DSCAML1: variants seen among roughly 807,000 people sequenced by gnomAD.
DSCAML1 encodes the protein DS cell adhesion molecule like 1, also known as cell adhesion molecule DSCAML1.
A neutral mutation model predicts 200.5 loss-of-function variants in DSCAML1; 38 were observed. The ratio of observed to expected loss-of-function variants is 0.19; its 90% CI spans 0.15 to 0.25. The LOEUF (loss-of-function observed/expected upper bound fraction) is 0.25. DSCAML1 is among the 10% of genes least tolerant of loss of function. DSCAML1 has a pLI of 1.00. For synonymous variants in DSCAML1, 1,215 were observed against 1,165.0 expected, an observed-to-expected ratio of 1.04 and a Z score of -0.87; for missense variants, 2,223 against 2,858.8, an observed-to-expected ratio of 0.78 and a Z score of 5.07.
Position 117,498,338 on chromosome 11 carries a change from G to T in DSCAML1, c.2359+5507C>A, listed in dbSNP as rs768808889. On this transcript the variant is annotated intron_variant, in intron 11 of 32. Transcript: ENST00000651296. The surrounding 1 kb of genome is among the most constrained non-coding windows in gnomAD (Gnocchi z 4.0). The stretch of plus-strand genomic sequence containing the variant: ...GCCAACAGCCGTCCCTCAGCTCTAG[G>T]GGTCACGGCGGTGGCAGGGCCCATC... 6.6e-6 allele frequency among the ~76,000 whole-genome samples: 1 copy of T among 152,180 alleles called. No individual in the cohort carries two copies. Among genetic ancestry groups the T allele is most frequent in the Non-Finnish European group, 1.5e-5 (1 of 68,026 alleles).
At chr11:117,551,058 G>GC (rs879389600) in intron 3 of DSCAML1, among the ~76,000 whole-genome samples, 2 of 152,050 alleles carry the variant, frequency 1.3e-5, no homozygotes, top group African/African-American at 2.4e-5. Flanking sequence ...TTCTTTTCCT[G>GC]CCCCCTCTTC....
In DSCAML1 at chr11:117,797,173, ACTCGGCGCCCCG is replaced by A; in HGVS notation, c.-106_-95del. ...GCTCAGCGCGCTCCCAGCCGCCCGC[ACTCGGCGCCCCG>A]CTCTCTCTGCTCCTCAGCCCAGCGC... On this transcript the variant is annotated 5_prime_UTR_variant, in exon 1 of 33. Coordinates refer to ENST00000651296, the MANE Select transcript of DSCAML1 (RefSeq NM_020693.4). 2 of 1,576,538 alleles carry A rather than the reference ACTCGGCGCCCCG, an allele frequency of 1.3e-6. No homozygotes were observed. The highest frequency in any genetic ancestry group is 1.2e-5 in the South Asian group (1 of 86,538).
At chr11:117,682,181 C>G (rs58329329) in intron 3 of DSCAML1, among the ~76,000 whole-genome samples, 15,473 of 152,182 alleles carry the variant, frequency 0.1, 1,101 homozygotes, top group African/African-American at 0.2. Flanking sequence ...TGTCCTCCTC[C>G]AATGGCAGCA....
At chr11:117,484,885 C>CTG (rs2049006512) in intron 11 of DSCAML1, among the ~76,000 whole-genome samples, 1 of 107,786 alleles carries the variant, frequency 9.3e-6, no homozygotes, top group Non-Finnish European at 2.0e-5. Context: ...AGCAGAGGAA[C>CTG]AGTGTGTGTG....
intron 3 of DSCAML1, among the ~76,000 whole-genome samples, chr11:117,691,084 CAT>C (rs1236945606): frequency 6.6e-6 from 1 of 152,202 alleles, no homozygotes; most frequent in African/African-American, 2.4e-5. Context: ...GAAACACACA[CAT>C]GTGAATAGAC....
intron 31 of DSCAML1, among the ~76,000 whole-genome samples, 176 bp from the exon 32 acceptor site, chr11:117,431,209 A>G (rs912886327): frequency 1.3e-5 from 2 of 152,216 alleles, no homozygotes; most frequent in Admixed American, 1.3e-4. Flanking sequence ...TCTTTGGCTC[A>G]TGAAGGGCAG....
At chr11:117,565,677 C>T (rs943887162) in intron 3 of DSCAML1, among the ~76,000 whole-genome samples, 2 of 152,200 alleles carry the variant, frequency 1.3e-5, no homozygotes, top group Non-Finnish European at 2.9e-5. Context: ...ATCCCCTGTG[C>T]TTAGGCCCAC....
At chr11:117,438,164 G>C (rs1309310777) in intron 24 of DSCAML1, 81 bp from the exon 25 acceptor site, 28 of 1,403,242 alleles carry the variant, frequency 2.0e-5, no homozygotes, top group Non-Finnish European at 2.3e-5. Flanking sequence ...CCCAACAGGG[G>C]GCTGGGCTCC....
intron 14 of DSCAML1, among the ~76,000 whole-genome samples, chr11:117,473,237 C>T (rs1413073920): frequency 6.6e-6 from 1 of 152,162 alleles, no homozygotes; most frequent in Admixed American, 6.5e-5. Context: ...TGGCTCATGC[C>T]TGTAATCCCA....
chr11:117,597,813 A>G (rs2051390841), intron 3 of DSCAML1, among the ~76,000 whole-genome samples: 1 of 151,916 alleles, frequency 6.6e-6, no homozygotes, highest in African/African-American at 2.4e-5. Flanking sequence ...TTGCCCCTTA[A>G]TTCTCCTTCC....
chr11:117,669,990 T>A (rs1329899502), intron 3 of DSCAML1, among the ~76,000 whole-genome samples: 1 of 152,236 alleles, frequency 6.6e-6, no homozygotes, highest in Non-Finnish European at 1.5e-5. Context: ...TGATTCTAGA[T>A]CCTTTTTAAA....
intron 3 of DSCAML1, among the ~76,000 whole-genome samples, chr11:117,661,778 C>T (rs1290040487): frequency 1.3e-5 from 2 of 152,138 alleles, no homozygotes; most frequent in African/African-American, 4.8e-5. Context: ...CCTGGCACTG[C>T]CTGGATGGAG....
intron 3 of DSCAML1, among the ~76,000 whole-genome samples, chr11:117,726,350 G>C (rs1005021557): frequency 6.6e-6 from 1 of 152,186 alleles, no homozygotes; most frequent in East Asian, 1.9e-4. Context: ...TATTCTGTGT[G>C]GGGGAAGGGA....
intron 3 of DSCAML1, among the ~76,000 whole-genome samples, chr11:117,670,176 A>G (rs766710202): frequency 1.3e-5 from 2 of 152,178 alleles, no homozygotes; most frequent in Non-Finnish European, 2.9e-5. Flanking sequence ...ATAGGAATAA[A>G]CAAACAAATA....
Position 117,446,426 on chromosome 11 carries a change from A to T in DSCAML1, c.3709-2387T>A, listed in dbSNP as rs774467039. On this transcript the variant is annotated intron_variant, in intron 20 of 32. Transcript: ENST00000651296. ...CAATAGGAAAGCAATGAATTGGCAG[A>T]TACTTGCAACTTATATGACAGAAAA... Among the ~76,000 whole-genome samples the T allele has an allele frequency of 1.3e-4, 20 of 152,244 alleles. 1 individual carries two copies. Among genetic ancestry groups the T allele is most frequent in the Middle Eastern group, 6.8e-3 (2 of 294 alleles).
chr11:117,670,204 T>C (rs1263775455), intron 3 of DSCAML1, among the ~76,000 whole-genome samples: 2 of 152,048 alleles, frequency 1.3e-5, no homozygotes, highest in East Asian at 1.9e-4. Context: ...AGGAGTGGGA[T>C]CTGGAGAGGA....
chr11:117,491,146 C>T (rs597686), intron 11 of DSCAML1, among the ~76,000 whole-genome samples: 18,231 of 152,112 alleles, frequency 0.12, 1,332 homozygotes, highest in East Asian at 0.2. Flanking sequence ...CACGGGCTGC[C>T]GGGAGAGGCT....
Position 117,667,068 on chromosome 11 carries a change from G to A in DSCAML1, c.511+109723C>T, listed in dbSNP as rs551183688. 2.6e-5 allele frequency among the ~76,000 whole-genome samples: 4 copies of A among 152,304 alleles called. No individual in the cohort carries two copies. The South Asian group carries it at 8.3e-4, about 32-fold the overall frequency. On this transcript the variant is annotated intron_variant, in intron 3 of 32. Transcript: ENST00000651296. ...CCAAGGAGCAACACCCAGCTTTCCC[G>A]AGATGGCTGGCAGGCTCAGGTGGGA...
intron 11 of DSCAML1, among the ~76,000 whole-genome samples, chr11:117,491,659 A>C (rs924398830): frequency 6.6e-6 from 1 of 152,184 alleles, no homozygotes; most frequent in Non-Finnish European, 1.5e-5. Context: ...CTGGAATCCC[A>C]GCTCCTCGGG....
Sources: gnomAD v4.1 joint callset for allele counts (sites outside exome capture counted in the v4.1 genomes callset) on GRCh38, gnomAD v4.1.1 for gene constraint, Gnocchi (gnomAD v3.1) non-coding constraint, MANE v1.5 for transcripts, NCBI Gene and HGNC (gene_info 2026-07-23, HGNC 2026-07-21) for gene names.